SERPING1: variants seen among roughly 807,000 people sequenced by gnomAD.
SERPING1 encodes serpin family G member 1.
Under a neutral mutation model 34.1 loss-of-function variants are expected in SERPING1, and 5 were observed. The observed-to-expected ratio is 0.15, with a 90% confidence interval of 0.08 to 0.31. The LOEUF is 0.31. Among genes scored for constraint, SERPING1 ranks in the 10% least tolerant of loss-of-function variants. SERPING1 has a pLI of 1.00. For missense variants in SERPING1, 505 were observed against 609.5 expected, an observed-to-expected ratio of 0.83 and a Z score of 1.81; for synonymous variants, 225 against 242.4, an observed-to-expected ratio of 0.93 and a Z score of 0.67.
chr11:57,608,453 AAAGCAGG>A (rs1945437311), intron 6 of SERPING1, among the ~76,000 whole-genome samples: 1 of 152,172 alleles, frequency 6.6e-6, no homozygotes, highest in Non-Finnish European at 1.5e-5. Context: ...ATTCAAATAC[AAAGCAGG>A]TATAATATGA....
At chr11:57,600,824 G>A (rs1250546965) in intron 3 of SERPING1, among the ~76,000 whole-genome samples, 6 of 151,942 alleles carry the variant, frequency 3.9e-5, no homozygotes, top group Admixed American at 2.6e-4. Flanking sequence ...GGTGGTGCAT[G>A]CCTGTAATCC....
At chr11:57,598,075 G>T in intron 1 of SERPING1, 174 bp from the exon 2 acceptor site, 1 of 590,908 alleles carries the variant, frequency 1.7e-6, no homozygotes, top group Non-Finnish European at 3.1e-6. Context: ...GAAGCGGTTT[G>T]GGGAAAACAA....
chr11:57,606,731 G>A, intron 6 of SERPING1, 184 bp downstream of exon 6: 1 of 755,276 alleles, frequency 1.3e-6, no homozygotes, highest in Non-Finnish European at 2.3e-6. Flanking sequence ...GGCAGACATT[G>A]TATATTTTAG....
chr11:57,604,903 A>G (rs1945391608), intron 4 of SERPING1, among the ~76,000 whole-genome samples: 1 of 151,994 alleles, frequency 6.6e-6, no homozygotes, highest in Admixed American at 6.6e-5. Flanking sequence ...TGAAGGACTG[A>G]GACGGGAGGA....
chr11:57,599,962 C>G lies in SERPING1; in HGVS notation c.135C>G (p.Val45=), dbSNP rs886048399. ...TGCAAGACAGAGGCGAAGGGAAGGT[C>G]GCAACAACAGTTATCTCCAAGATGC... is the stretch of plus-strand genomic sequence containing the variant. The part of the protein sequence containing the change: ...ESLQDRGEGK[V]ATTVISKMLF... Residue 45 remains valine, a synonymous_variant, in exon 3 of 8, where the codon GTC becomes GTG. Coordinates refer to ENST00000278407, the MANE Select transcript of SERPING1 (RefSeq NM_000062.3). 6 of 1,614,190 alleles carry G rather than the reference C, an allele frequency of 3.7e-6. No individual in the cohort carries two copies. Among genetic ancestry groups the G allele is most frequent in the East Asian group, 4.5e-5 (2 of 44,892 alleles).
intron 4 of SERPING1, among the ~76,000 whole-genome samples, chr11:57,604,079 C>T (rs1194339564): frequency 2.0e-5 from 3 of 149,262 alleles, no homozygotes; most frequent in Non-Finnish European, 4.4e-5. Context: ...TTGCAGTCAG[C>T]TGAGATCGCA....
chr11:57,600,243 A>G lies in SERPING1; in HGVS notation c.416A>G (p.Glu139Gly), dbSNP rs758424065. The change falls in exon 3 of 8, where the codon GAG becomes GGG. Residue 139 changes from glutamate (E) to glycine (G), a missense_variant. Transcript: ENST00000278407. Reference sequence around the variant, plus strand: ...TCTGACTTGGAGAGTCATTCAACAGAGGCCGTGTTGGGGGATGCTTTGGTA... The same window carrying G: ...TCTGACTTGGAGAGTCATTCAACAGGGGCCGTGTTGGGGGATGCTTTGGTA... Reference protein sequence around the residue: ...LCSDLESHSTEAVLGDALVDF... With the variant: ...LCSDLESHSTGAVLGDALVDF... 1 of 1,614,122 alleles carries G rather than the reference A, an allele frequency of 6.2e-7. No homozygotes were observed. The highest frequency in any genetic ancestry group is 1.1e-5 in the South Asian group (1 of 91,086).
At chr11:57,598,128 G>T (rs1167832393) in intron 1 of SERPING1, 121 bp from the exon 2 acceptor site, 2 of 687,682 alleles carry the variant, frequency 2.9e-6, no homozygotes, top group Admixed American at 2.9e-5. Flanking sequence ...CAGGAGGGAG[G>T]AGGAGGGAAT....
At chr11:57,598,770 T>C (rs1320860906) in intron 2 of SERPING1, among the ~76,000 whole-genome samples, 1 of 152,010 alleles carries the variant, frequency 6.6e-6, no homozygotes, top group Non-Finnish European at 1.5e-5. Flanking sequence ...GGTCCCAGGC[T>C]AGGGCCTGTG....
chr11:57,607,235 A>G (rs1590827194), intron 6 of SERPING1, among the ~76,000 whole-genome samples: 1 of 152,186 alleles, frequency 6.6e-6, no homozygotes, highest in East Asian at 1.9e-4. Context: ...TTGGTTCCAC[A>G]TTGGGAGCTT....
chr11:57,612,495 G>A (rs1783825), intron 7 of SERPING1, among the ~76,000 whole-genome samples: 23 of 148,262 alleles, frequency 1.6e-4, no homozygotes, highest in African/African-American at 5.5e-4. Context: ...TGCAAGATCC[G>A]CCTCCCAGAT....
chr11:57,601,122 C>T (rs927720330), intron 3 of SERPING1, among the ~76,000 whole-genome samples: 4 of 151,500 alleles, frequency 2.6e-5, no homozygotes, highest in South Asian at 2.1e-4. Context: ...AAAGCCAGGC[C>T]GGATGCGGTG....
At position 57,602,299 on chromosome 11, in the gene SERPING1, C is replaced by G. The variant is rs1395277501; in HGVS notation, c.685+130C>G. The G allele has an allele frequency of 8.4e-6, 9 of 1,073,204 alleles. No homozygotes were observed. In the East Asian group the frequency reaches 1.9e-4, roughly 23 times the overall value. The allele number at this position is 1,073,204 out of a possible 1,614,324, so 66.5% of individuals were successfully genotyped here. A position where few individuals can be genotyped will look rare whatever the true frequency, so the allele number is the denominator to read the frequency against. Reference sequence around the variant, plus strand: ...ACAGTATCAGGGATGGACTGCAGAGCAGGTGAAGACCTTGGCAGGAGCATT... The same window carrying G: ...ACAGTATCAGGGATGGACTGCAGAGGAGGTGAAGACCTTGGCAGGAGCATT... On this transcript the variant is annotated intron_variant, in intron 4 of 7. Coordinates refer to ENST00000278407, the MANE Select transcript of SERPING1 (RefSeq NM_000062.3).
intron 2 of SERPING1, 135 bp from the exon 3 acceptor site, chr11:57,599,744 T>C: frequency 8.1e-7 from 1 of 1,228,614 alleles, no homozygotes; most frequent in South Asian, 1.2e-5. Context: ...AGATTGCTCA[T>C]CTGCCGCACT....
At chr11:57,606,744 T>C (rs775886251) in intron 6 of SERPING1, 197 bp downstream of exon 6, 1 of 732,364 alleles carries the variant, frequency 1.4e-6, no homozygotes, top group Non-Finnish European at 2.4e-6. Context: ...TATTTTAGGC[T>C]GGAAACAGGA....
rs1028061890 is a variant in SERPING1 at position 57,614,724 on chromosome 11, C to G, written c.*143C>G. The G allele has an allele frequency of 8.3e-6, 8 of 966,316 alleles. No homozygotes were observed. In the African/African-American group the frequency reaches 1.3e-4, roughly 16 times the overall value. 59.9% of individuals were successfully genotyped at this position (966,316 alleles called of 1,614,324 possible). ...TCCACCAAAAGGGCTCCCTGAGGGT[C>G]TGGGCAAGGGACCTGCTTCTATTAG... On this transcript the variant is annotated 3_prime_UTR_variant, in exon 8 of 8. Coordinates refer to ENST00000278407, the MANE Select transcript of SERPING1 (RefSeq NM_000062.3).
In SERPING1 at chr11:57,602,061, C is replaced by G; in HGVS notation, c.577C>G (p.Leu193Val). The G allele has an allele frequency of 1.2e-6, 2 of 1,614,122 alleles. No homozygotes were observed. The highest frequency in any genetic ancestry group is 1.1e-5 in the South Asian group (1 of 91,082). The change falls in exon 4 of 8, where the codon CTG becomes GTG. Residue 193 changes from leucine (L) to valine (V), a missense_variant. Coordinates refer to ENST00000278407, the MANE Select transcript of SERPING1 (RefSeq NM_000062.3). ...LGAGENTKTN[L>V]ESILSYPKDF... is the part of the protein sequence containing the mutation. ...GGCTGGGGAGAACACCAAAACAAACCTGGAGAGCATCCTCTCTTACCCCAA... is the reference window on the plus strand; with the variant it reads ...GGCTGGGGAGAACACCAAAACAAACGTGGAGAGCATCCTCTCTTACCCCAA...
In SERPING1 at chr11:57,598,267, C is replaced by T. The variant is rs1316757388; in HGVS notation, c.-4C>T. On this transcript the variant is annotated 5_prime_UTR_variant, in exon 2 of 8. Coordinates refer to ENST00000278407, the MANE Select transcript of SERPING1 (RefSeq NM_000062.3). ...TCCGCAGGTCCGCTGACGTCGCCGC[C>T]CAGATGGCCTCCAGGCTGACCCTGC... The T allele has an allele frequency of 2.6e-6, 4 of 1,552,408 alleles. No homozygotes were observed. Among genetic ancestry groups the T allele is most frequent in the Non-Finnish European group, 2.6e-6 (3 of 1,147,260 alleles).
intron 4 of SERPING1, among the ~76,000 whole-genome samples, chr11:57,603,240 A>T (rs1945370669): frequency 6.6e-6 from 1 of 151,738 alleles, no homozygotes; most frequent in Admixed American, 6.6e-5. Flanking sequence ...TCTCAAAAAA[A>T]AAAAAAGGAA....
Sources: allele counts gnomAD v4.1 joint callset (sites outside exome capture counted in the v4.1 genomes callset), GRCh38; gene constraint gnomAD v4.1.1; transcripts MANE v1.5; gene names NCBI Gene and HGNC (gene_info 2026-07-23, HGNC 2026-07-21).